SGCG: variants seen among roughly 807,000 people sequenced by gnomAD.
The protein encoded by SGCG is gamma-sarcoglycan.
Under a neutral mutation model 29.3 loss-of-function variants are expected in SGCG, and 26 were observed. The observed-to-expected ratio is 0.89, with a 90% CI of 0.65 to 1.23. The LOEUF (loss-of-function observed/expected upper bound fraction) is 1.23, where lower values mean the gene tolerates loss of function less well. SGCG is among the 50% of genes most tolerant of loss of function. SGCG has a pLI of 0.00. For missense variants in SGCG, 353 were observed against 356.0 expected (o/e 0.99, Z 0.07); for synonymous variants, 145 against 129.7 (o/e 1.12, Z -0.80).
At chr13:23,250,865 T>C in intron 4 of SGCG, 148 bp downstream of exon 4, 2 of 702,358 alleles carry the variant, frequency 2.8e-6, no homozygotes, top group Admixed American at 2.0e-5. Context: ...GACCACAGAC[T>C]AGCACCACAG....
intron 6 of SGCG, among the ~76,000 whole-genome samples, chr13:23,300,933 G>A (rs1295565347): frequency 6.6e-6 from 1 of 151,976 alleles, no homozygotes; most frequent in African/African-American, 2.4e-5. Context: ...GGCTAACACG[G>A]TGAAACCCCA....
intron 2 of SGCG, among the ~76,000 whole-genome samples, chr13:23,225,152 AG>A (rs1392950180): frequency 6.6e-6 from 1 of 152,208 alleles, no homozygotes; most frequent in Non-Finnish European, 1.5e-5. Flanking sequence ...GAGTGTTGGT[AG>A]GTTGAATGGT....
At chr13:23,163,791 T>A in the SGCG span, among the ~76,000 whole-genome samples, 1 of 152,146 alleles carries the variant, frequency 6.6e-6, no homozygotes, top group Admixed American at 6.5e-5. Context: ...CATGAAAAAT[T>A]TAACTAAAAT....
In SGCG at chr13:23,324,402, A is replaced by G. The variant is rs377625551; in HGVS notation, c.737A>G (p.Lys246Arg). ...VLDAETVCLPKLVQGTWGPSG... is the reference protein window; with the variant it reads ...VLDAETVCLPRLVQGTWGPSG... ...GATGCTGAAACTGTGTGCTTACCCA[A>G]GCTGGTGCAGGGGACGTGGGGTCCC... The change falls in exon 8 of 8, where the codon AAG (lysine) becomes AGG (arginine). Residue 246 changes from lysine (K) to arginine (R), a missense_variant. Physicochemically the swap from Lys to Arg is conservative, Grantham distance 26. Coordinates refer to ENST00000218867, the MANE Select transcript of SGCG (RefSeq NM_000231.3). The G allele has an allele frequency of 2.5e-6, 4 of 1,614,074 alleles. No homozygotes were observed. Among genetic ancestry groups the G allele is most frequent in the Non-Finnish European group, 3.4e-6 (4 of 1,180,050 alleles).
chr13:23,202,246 G>T (rs1400331249), intron 1 of SGCG, among the ~76,000 whole-genome samples: 3 of 152,162 alleles, frequency 2.0e-5, no homozygotes, highest in East Asian at 1.9e-4. Context: ...CCATCAGAAG[G>T]TTTGGAAAAA....
At chr13:23,250,465 A>C (rs1019927657) in intron 3 of SGCG, among the ~76,000 whole-genome samples, 165 bp from the exon 4 acceptor site, 1 of 152,232 alleles carries the variant, frequency 6.6e-6, no homozygotes, top group African/African-American at 2.4e-5. Flanking sequence ...TTAAAAAAAT[A>C]TGATTCAGGA....
chr13:23,241,450 T>C (rs1436598903), intron 3 of SGCG, among the ~76,000 whole-genome samples: 1 of 152,050 alleles, frequency 6.6e-6, no homozygotes, highest in Non-Finnish European at 1.5e-5. Flanking sequence ...AGACCAATAA[T>C]GAGTAACAAC....
chr13:23,298,290 A>G (rs542105578), intron 6 of SGCG, among the ~76,000 whole-genome samples: 2 of 152,196 alleles, frequency 1.3e-5, no homozygotes, highest in African/African-American at 4.8e-5. Context: ...TGGGAGGCAG[A>G]GTTTGCAGTG....
Position 23,320,618 on chromosome 13 carries a change from C to CT in SGCG, c.579-17dup. On this transcript the variant is annotated intron_variant, in intron 6 of 7. Transcript: ENST00000218867. ...AATACTTTTTTTTTTTTTTTTTGTG[C>CT]TTCTTTTCCTCATCTCAGATTAGAA... The CT allele has an allele frequency of 2.2e-6, 2 of 928,554 alleles. No homozygotes were observed. Among genetic ancestry groups the CT allele is most frequent in the Non-Finnish European group, 1.5e-6 (1 of 684,764 alleles). The allele number at this position is 928,554 out of a possible 1,614,324, so 57.5% of individuals were successfully genotyped here.
intron 5 of SGCG, among the ~76,000 whole-genome samples, chr13:23,287,623 A>G (rs1182091745): frequency 2.0e-5 from 3 of 152,220 alleles, no homozygotes; most frequent in Non-Finnish European, 4.4e-5. Context: ...ATAGAAGACT[A>G]AATAGAGCCA....
chr13:23,312,390 A>G (rs1882635220), intron 6 of SGCG, among the ~76,000 whole-genome samples: 1 of 152,244 alleles, frequency 6.6e-6, no homozygotes, highest in Non-Finnish European at 1.5e-5. Flanking sequence ...ACTAAATTTT[A>G]AGAATAATTG....
intron 1 of SGCG, among the ~76,000 whole-genome samples, chr13:23,200,863 G>A (rs1387826649): frequency 6.6e-6 from 1 of 152,138 alleles, no homozygotes; most frequent in African/African-American, 2.4e-5. Flanking sequence ...GTCACACTTG[G>A]GGGACTCCTG....
At chr13:23,266,572 G>A (rs1280686920) in intron 4 of SGCG, among the ~76,000 whole-genome samples, 2 of 152,126 alleles carry the variant, frequency 1.3e-5, no homozygotes, top group African/African-American at 4.8e-5. Flanking sequence ...TGAGAAGTGG[G>A]TGAGAGATGA....
intron 6 of SGCG, among the ~76,000 whole-genome samples, chr13:23,298,113 T>C (rs1230827502): frequency 6.7e-6 from 1 of 149,884 alleles, no homozygotes; most frequent in Admixed American, 6.7e-5. Flanking sequence ...CCCAGCACTT[T>C]GGGAGGCCGA....
chr13:23,255,957 C>T (rs1328513128), intron 4 of SGCG, among the ~76,000 whole-genome samples: 1 of 152,176 alleles, frequency 6.6e-6, no homozygotes, highest in African/African-American at 2.4e-5. Context: ...CCTGCTCACA[C>T]ACCCAGCATG....
intron 5 of SGCG, among the ~76,000 whole-genome samples, chr13:23,293,214 TTATC>T (rs1881783001): frequency 6.6e-6 from 1 of 152,234 alleles, no homozygotes; most frequent in African/African-American, 2.4e-5. Context: ...GATCTGTTTC[TTATC>T]TGAGTATAAT....
chr13:23,166,814 G>A, the SGCG span, among the ~76,000 whole-genome samples: 2 of 151,970 alleles, frequency 1.3e-5, no homozygotes, highest in Admixed American at 1.3e-4. Context: ...ATATTTATGA[G>A]GTACATGAGA....
Position 23,225,373 on chromosome 13 carries a change from C to T in SGCG, c.196-9238C>T, listed in dbSNP as rs957747451. 1.1e-4 allele frequency among the ~76,000 whole-genome samples: 17 copies of T among 152,284 alleles called. 5 individuals carry two copies. Among genetic ancestry groups the T allele is most frequent in the Admixed American group, 7.2e-4 (11 of 15,306 alleles). On this transcript the variant is annotated intron_variant, in intron 2 of 7. Coordinates refer to ENST00000218867, the MANE Select transcript of SGCG (RefSeq NM_000231.3). ...ATGAGTTTCCCACTTATAATTATTT[C>T]GTGAGGAGGTAGTTTGAAACTACTT...
rs1455507411 is a variant in SGCG at position 23,181,084 on chromosome 13, TC to T, written c.-1+10del. ...TTTTCTTAATATCTAAGGTAAGTGC[TC>T]AGTTTTAACTTAGATTTTATATCAG... On this transcript the variant is annotated intron_variant, in intron 1 of 7. Coordinates refer to ENST00000218867, the MANE Select transcript of SGCG (RefSeq NM_000231.3). 6.6e-6 allele frequency: 1 copy of T among 152,208 alleles called. No homozygotes were observed. The highest frequency in any genetic ancestry group is 1.5e-5 in the Non-Finnish European group (1 of 68,040). The allele number at this position is 152,208 out of a possible 1,614,324, so 9.4% of individuals were successfully genotyped here.
Sources: allele counts gnomAD v4.1 joint callset (sites outside exome capture counted in the v4.1 genomes callset), GRCh38; gene constraint gnomAD v4.1.1; transcripts MANE v1.5; gene names NCBI Gene and HGNC (gene_info 2026-07-23, HGNC 2026-07-21).